ERAP1: variants seen among roughly 807,000 people sequenced by gnomAD.
ERAP1 encodes endoplasmic reticulum aminopeptidase 1, also known as adipocyte-derived leucine aminopeptidase.
ERAP1 carries 86 observed loss-of-function variants against 103.7 expected under a neutral mutation model. The ratio of observed to expected loss-of-function variants is 0.83; its 90% CI spans 0.70 to 0.99. ERAP1 has a LOEUF of 0.99. Among genes scored for constraint, ERAP1 ranks in the 50% least tolerant of loss-of-function variants. The probability of loss-of-function intolerance (pLI) is 0.00; values close to 1 mark genes in which losing one functional copy is unlikely to be tolerated. For missense variants in ERAP1, 1,009 were observed against 1,128.4 expected (o/e 0.89, Z 1.52); for synonymous variants, 398 against 402.4 (o/e 0.99, Z 0.13).
the ERAP1 span, among the ~76,000 whole-genome samples, chr5:96,908,144 C>A: frequency 2.0e-5 from 3 of 152,092 alleles, no homozygotes; most frequent in African/African-American, 7.2e-5. Context: ...ATGATAAGCC[C>A]AGAGGAGACA....
the ERAP1 span, among the ~76,000 whole-genome samples, chr5:96,818,780 C>T: frequency 6.6e-6 from 1 of 152,130 alleles, no homozygotes; most frequent in East Asian, 1.9e-4. Flanking sequence ...TGCTATTCCA[C>T]TATTCACTTA....
At chr5:96,810,101 C>T (rs2151025410), upstream of ERAP1, among the ~76,000 whole-genome samples, 1 of 152,316 alleles carries the variant, frequency 6.6e-6, no homozygotes, top group African/African-American at 2.4e-5. Context: ...CCCAAAAGCT[C>T]ACCCTGACTC....
Position 96,776,394 on chromosome 5 carries a change from T to C in ERAP1, c.*2A>G, listed in dbSNP as rs1395458933. On this transcript the variant is annotated 3_prime_UTR_variant, in exon 19 of 19. Coordinates refer to ENST00000443439, the MANE Select transcript of ERAP1 (RefSeq NM_001040458.3). ...AACAGGAACCTGGCAAGGGAGGAATTTTTACATACGTTCAAGCTTTTCACT... is the reference window on the plus strand; with the variant it reads ...AACAGGAACCTGGCAAGGGAGGAATCTTTACATACGTTCAAGCTTTTCACT... The C allele has an allele frequency of 1.9e-6, 3 of 1,603,288 alleles. No homozygotes were observed. Among genetic ancestry groups the C allele is most frequent in the African/African-American group, 2.7e-5 (2 of 74,370 alleles).
chr5:96,865,367 C>T, the ERAP1 span, among the ~76,000 whole-genome samples: 1 of 152,156 alleles, frequency 6.6e-6, no homozygotes, highest in African/African-American at 2.4e-5. Context: ...TTGGCCTTTG[C>T]TCCTGTTCCA....
chr5:96,765,903 T>A, intron 19 of ERAP1: 2 of 526,896 alleles, frequency 3.8e-6, no homozygotes. Context: ...GTTGAAGTCA[T>A]CTGTGTTGTT....
At chr5:96,913,529 C>G in the ERAP1 span, 1 of 1,520,586 alleles carries the variant, frequency 6.6e-7, no homozygotes, top group Non-Finnish European at 9.1e-7. Context: ...CAAGTGTAAT[C>G]AAATGTTTCT....
At chr5:96,896,965 T>TAAGTCATACGTTGGGTAACGATAGACTG in the ERAP1 span, 1 of 987,684 alleles carries the variant, frequency 1.0e-6, no homozygotes. Flanking sequence ...GTCAACCATA[T>TAAGTCATACGTTGGGTAACGATAGACTG]TTATTCTGCT....
At chr5:96,765,957 G>GA in intron 19 of ERAP1, 1 of 743,846 alleles carries the variant, frequency 1.3e-6, no homozygotes, top group South Asian at 1.7e-5. Context: ...TTTGCCTCAT[G>GA]AAAGTACAAC....
chr5:96,911,367 T>C, the ERAP1 span, among the ~76,000 whole-genome samples: 1 of 152,204 alleles, frequency 6.6e-6, no homozygotes, highest in African/African-American at 2.4e-5. Context: ...TCCGTTGACA[T>C]TTGGGATTAA....
the ERAP1 span, chr5:96,912,594 C>A: frequency 1.3e-6 from 2 of 1,542,458 alleles, no homozygotes; most frequent in South Asian, 1.2e-5. Flanking sequence ...AAAAGTTTTT[C>A]TTTCATAAAA....
chr5:96,933,846 A>G, the ERAP1 span, among the ~76,000 whole-genome samples: 1 of 152,212 alleles, frequency 6.6e-6, no homozygotes, highest in African/African-American at 2.4e-5. Flanking sequence ...GTACTATATA[A>G]TATCTGAACT....
chr5:96,879,924 T>G, the ERAP1 span: 7 of 1,614,196 alleles, frequency 4.3e-6, no homozygotes, highest in Middle Eastern at 3.3e-4. Flanking sequence ...CATTATGACC[T>G]CTTTGTCCAC....
chr5:96,864,089 C>T, the ERAP1 span, among the ~76,000 whole-genome samples: 3 of 152,108 alleles, frequency 2.0e-5, no homozygotes, highest in African/African-American at 7.2e-5. Flanking sequence ...CACATTTACA[C>T]GCACACAAGA....
chr5:96,891,470 GGT>G, the ERAP1 span, among the ~76,000 whole-genome samples: 2 of 124,126 alleles, frequency 1.6e-5, no homozygotes, highest in Admixed American at 8.7e-5. Context: ...CACATATACA[GGT>G]ATATATATAT....
the ERAP1 span, among the ~76,000 whole-genome samples, chr5:96,882,087 G>A: frequency 3.3e-5 from 5 of 152,254 alleles, no homozygotes; most frequent in Admixed American, 1.3e-4. Context: ...CTCTTCCCCA[G>A]GCTCCTCTCT....
At chr5:96,859,172 T>C in the ERAP1 span, among the ~76,000 whole-genome samples, 1 of 152,002 alleles carries the variant, frequency 6.6e-6, no homozygotes. Flanking sequence ...CTTCGTTTGT[T>C]AGTTGTCTGT....
At chr5:96,840,429 A>C in the ERAP1 span, among the ~76,000 whole-genome samples, 1 of 152,170 alleles carries the variant, frequency 6.6e-6, no homozygotes, top group Admixed American at 6.5e-5. Flanking sequence ...TTCACCTTAA[A>C]GCCCATAACA....
chr5:96,873,788 T>G, the ERAP1 span: 2 of 206,150 alleles, frequency 9.7e-6, no homozygotes, highest in Non-Finnish European at 2.0e-5. Context: ...TACTGGGCAC[T>G]CAGCAGTTAG....
Position 96,776,285 on chromosome 5 carries a change from A to AG in ERAP1, c.*110dup, listed in dbSNP as rs966185528. ...CAGGGATAGTCAAAAAATGAGTTGA[A>AG]GGGAAAAAAGTATCTCCAGTTGGAG... On this transcript the variant is annotated 3_prime_UTR_variant, in exon 19 of 19. Coordinates refer to ENST00000443439, the MANE Select transcript of ERAP1 (RefSeq NM_001040458.3). 5 of 1,537,274 alleles carry AG rather than the reference A, an allele frequency of 3.3e-6. No homozygotes were observed. The South Asian group carries it at 3.8e-5, about 12-fold the overall frequency.
Sources: gnomAD v4.1 joint callset for allele counts (sites outside exome capture counted in the v4.1 genomes callset) on GRCh38, gnomAD v4.1.1 for gene constraint, MANE v1.5 for transcripts, NCBI Gene and HGNC (gene_info 2026-07-23, HGNC 2026-07-21) for gene names.